RIMS2: variants seen among roughly 807,000 people sequenced by gnomAD.
RIMS2 encodes the protein regulating synaptic membrane exocytosis 2.
A neutral mutation model predicts 174.4 loss-of-function variants in RIMS2; 59 were observed. The observed-to-expected ratio is 0.34, with a 90% CI of 0.27 to 0.42. The LOEUF (loss-of-function observed/expected upper bound fraction) is 0.42. Among genes scored for constraint, RIMS2 ranks in the 10% least tolerant of loss-of-function variants. The pLI is 1.00. For synonymous variants in RIMS2, 606 were observed against 572.5 expected, an observed-to-expected ratio of 1.06 and a Z score of -0.84; for missense variants, 1,620 against 1,666.3, an observed-to-expected ratio of 0.97 and a Z score of 0.48.
At chr8:103,964,088 G>C (rs2091058919) in intron 15 of RIMS2, among the ~76,000 whole-genome samples, 1 of 152,158 alleles carries the variant, frequency 6.6e-6, no homozygotes, top group Non-Finnish European at 1.5e-5. Context: ...AGGACATCTT[G>C]GTTGCTTCTG....
chr8:104,093,709 A>T, intron 19 of RIMS2, 66 bp downstream of exon 24: 1 of 1,256,412 alleles, frequency 8.0e-7, no homozygotes, highest in Non-Finnish European at 1.1e-6. Context: ...TTCCCGGATG[A>T]ACATAAAATT....
At chr8:104,087,249 A>G (rs2097551303) in intron 19 of RIMS2, among the ~76,000 whole-genome samples, 1 of 152,122 alleles carries the variant, frequency 6.6e-6, no homozygotes, top group Non-Finnish European at 1.5e-5. Context: ...TTGCTTCTAA[A>G]TGCCAGGCCC....
chr8:103,718,687 G>A (rs998651651), intron 2 of RIMS2, among the ~76,000 whole-genome samples: 3 of 151,792 alleles, frequency 2.0e-5, no homozygotes, highest in Non-Finnish European at 4.4e-5. Context: ...TGGGGAGGGA[G>A]GAGTCTCACT....
chr8:103,663,665 C>T (rs1350906331), intron 1 of RIMS2, among the ~76,000 whole-genome samples: 2 of 152,198 alleles, frequency 1.3e-5, no homozygotes, highest in African/African-American at 4.8e-5. Flanking sequence ...ATTCCATGCT[C>T]ATGGATAGGA....
intron 3 of RIMS2, among the ~76,000 whole-genome samples, chr8:103,832,822 A>G (rs987689941): frequency 1.3e-5 from 2 of 152,214 alleles, no homozygotes; most frequent in African/African-American, 4.8e-5. Context: ...TCTATTTACA[A>G]TCATTCACAA....
intron 1 of RIMS2, among the ~76,000 whole-genome samples, chr8:103,587,350 AT>A (rs1245966676): frequency 6.6e-6 from 1 of 151,786 alleles, no homozygotes; most frequent in African/African-American, 2.4e-5. Context: ...TTCCAAACTC[AT>A]TTTACAAGTC....
intron 1 of RIMS2, among the ~76,000 whole-genome samples, chr8:103,654,256 A>T (rs1485319700): frequency 6.6e-6 from 1 of 152,006 alleles, no homozygotes; most frequent in African/African-American, 2.4e-5. Context: ...AAAATGACAT[A>T]TTTTGTGAGT....
intron 19 of RIMS2, among the ~76,000 whole-genome samples, chr8:104,142,120 C>CTTTTTTTTTTTTT (rs71297257): frequency 1.5e-5 from 2 of 131,996 alleles, no homozygotes; most frequent in African/African-American, 2.9e-5. Context: ...AAATATCTTC[C>CTTTTTTTTTTTTT]TTTTTTTTTT....
chr8:104,244,400 T>A (rs1383189526), intron 19 of RIMS2, among the ~76,000 whole-genome samples: 1 of 152,172 alleles, frequency 6.6e-6, no homozygotes, highest in Non-Finnish European at 1.5e-5. Flanking sequence ...TCTATCACCC[T>A]ACAAAAACAG....
intron 1 of RIMS2, among the ~76,000 whole-genome samples, chr8:103,524,036 T>A (rs1461340847): frequency 6.6e-6 from 1 of 152,162 alleles, no homozygotes; most frequent in Non-Finnish European, 1.5e-5. Flanking sequence ...TACTGACAAC[T>A]GTAATTGTAA....
At chr8:103,664,409 GA>G (rs1263995551) in intron 1 of RIMS2, among the ~76,000 whole-genome samples, 2 of 151,984 alleles carry the variant, frequency 1.3e-5, no homozygotes, top group Non-Finnish European at 2.9e-5. Context: ...AGAATCTACA[GA>G]GAACTTAAAC....
intron 19 of RIMS2, among the ~76,000 whole-genome samples, chr8:104,074,297 G>A (rs2097251358): frequency 6.6e-6 from 1 of 152,112 alleles, no homozygotes. Flanking sequence ...TGGGTGGCTT[G>A]GGGTAGGTTT....
chr8:103,689,999 T>C (rs1030988546), intron 1 of RIMS2, among the ~76,000 whole-genome samples: 7 of 151,458 alleles, frequency 4.6e-5, no homozygotes, highest in Non-Finnish European at 1.0e-4. Context: ...CTTACTTTGT[T>C]GCCCAGACTG....
intron 1 of RIMS2, among the ~76,000 whole-genome samples, chr8:103,668,369 A>C (rs1289966707): frequency 6.6e-6 from 1 of 152,222 alleles, no homozygotes; most frequent in Non-Finnish European, 1.5e-5. Flanking sequence ...TTTTCTGATA[A>C]CCTTTTAGCT....
intron 1 of RIMS2, among the ~76,000 whole-genome samples, chr8:103,508,772 A>G: frequency 6.6e-6 from 1 of 152,118 alleles, no homozygotes; most frequent in African/African-American, 2.4e-5. Context: ...TAATCCAGGT[A>G]ATAAATGATG....
At chr8:103,743,723 T>C (rs1169231966) in intron 2 of RIMS2, among the ~76,000 whole-genome samples, 1 of 152,184 alleles carries the variant, frequency 6.6e-6, no homozygotes, top group Non-Finnish European at 1.5e-5. Flanking sequence ...AGCTTCCCCA[T>C]TAAGTATAAT....
At chr8:104,078,047 G>A (rs1276254016) in intron 19 of RIMS2, among the ~76,000 whole-genome samples, 1 of 151,798 alleles carries the variant, frequency 6.6e-6, no homozygotes, top group African/African-American at 2.4e-5. Context: ...AGAAGGCTGA[G>A]GCAGAAGAAT....
chr8:104,155,520 T>A (rs12544753), intron 19 of RIMS2, among the ~76,000 whole-genome samples: 6,016 of 148,744 alleles, frequency 0.04, 260 homozygotes, highest in East Asian at 0.15. Flanking sequence ...TTCATGCCAT[T>A]CTCCTGCCTC....
intron 2 of RIMS2, among the ~76,000 whole-genome samples, chr8:103,722,751 T>C (rs2097468540): frequency 6.6e-6 from 1 of 152,218 alleles, no homozygotes; most frequent in African/African-American, 2.4e-5. Flanking sequence ...CATAGATTCT[T>C]CTCCTGTTAG....
Sources: gnomAD v4.1 joint callset for allele counts (sites outside exome capture counted in the v4.1 genomes callset) on GRCh38, gnomAD v4.1.1 for gene constraint, MANE v1.5 for transcripts, NCBI Gene and HGNC (gene_info 2026-07-23, HGNC 2026-07-21) for gene names.